RNGTT: variants seen among roughly 807,000 people sequenced by gnomAD.
RNGTT encodes the protein mRNA-capping enzyme.
In RNGTT, 33 loss-of-function variants were observed where a neutral mutation model predicts 79.3. That is an observed-to-expected ratio of 0.42 (90% confidence interval 0.32 to 0.56). The LOEUF (loss-of-function observed/expected upper bound fraction) is 0.56. Among genes scored for constraint, RNGTT ranks in the 20% least tolerant of loss-of-function variants. RNGTT has a pLI of 0.17. For synonymous variants in RNGTT, 222 were observed against 235.9 expected, an observed-to-expected ratio of 0.94 and a Z score of 0.54; for missense variants, 497 against 739.1, an observed-to-expected ratio of 0.67 and a Z score of 3.80.
At position 88,963,547 on chromosome 6, in the gene RNGTT, C is replaced by A; in HGVS notation, c.-138G>T. 1 of 766,256 alleles carries A rather than the reference C, an allele frequency of 1.3e-6. No homozygotes were observed. Among genetic ancestry groups the A allele is most frequent in the South Asian group, 2.1e-5 (1 of 48,224 alleles). The allele number at this position is 766,256 out of a possible 1,614,324, so 47.5% of individuals were successfully genotyped here. On this transcript the variant is annotated 5_prime_UTR_variant, in exon 1 of 16. Transcript: ENST00000369485. ...AATCTGAATTCCAACCTCTCCGATCCGGGTAACGTCAGGGGCGGCGCGCCA... is the reference window on the plus strand; with the variant it reads ...AATCTGAATTCCAACCTCTCCGATCAGGGTAACGTCAGGGGCGGCGCGCCA...
chr6:88,749,423 C>T (rs1777770858), intron 13 of RNGTT, among the ~76,000 whole-genome samples: 1 of 150,640 alleles, frequency 6.6e-6, no homozygotes, highest in Non-Finnish European at 1.5e-5. Flanking sequence ...CTAGGGTAAT[C>T]ACCAAGAAAA....
chr6:88,759,545 T>C (rs1778136921), intron 13 of RNGTT, among the ~76,000 whole-genome samples: 3 of 152,192 alleles, frequency 2.0e-5, no homozygotes, highest in Admixed American at 2.0e-4. Context: ...TGTATTCATA[T>C]ACATGCACAT....
At chr6:88,886,201 G>T (rs1385774712) in intron 8 of RNGTT, among the ~76,000 whole-genome samples, 1 of 152,180 alleles carries the variant, frequency 6.6e-6, no homozygotes, top group Non-Finnish European at 1.5e-5. Context: ...AGCTGCTCGG[G>T]AGGCTGAGGC....
chr6:88,948,924 AAG>A (rs1785130833), intron 1 of RNGTT, among the ~76,000 whole-genome samples: 1 of 91,184 alleles, frequency 1.1e-5, no homozygotes, highest in Non-Finnish European at 2.2e-5. Context: ...CATGCTCGTT[AAG>A]AGTCATCACC....
chr6:88,693,344 A>C (rs1369291888), intron 13 of RNGTT, among the ~76,000 whole-genome samples: 1 of 152,194 alleles, frequency 6.6e-6, no homozygotes, highest in Non-Finnish European at 1.5e-5. Flanking sequence ...GAACAACTAT[A>C]TGCCAATAAA....
intron 14 of RNGTT, among the ~76,000 whole-genome samples, chr6:88,675,102 GAA>G (rs10554864): frequency 0.33 from 34,989 of 106,492 alleles, 6,833 homozygotes; most frequent in African/African-American, 0.58. Flanking sequence ...CGTCTCAGAA[GAA>G]AAAAAAAAAA....
At chr6:88,926,652 G>A (rs1426147663) in intron 4 of RNGTT, among the ~76,000 whole-genome samples, 3 of 152,190 alleles carry the variant, frequency 2.0e-5, no homozygotes, top group African/African-American at 7.2e-5. Flanking sequence ...TTTCAAGTGT[G>A]AACATGCAAC....
At chr6:88,942,914 TA>T (rs1784895108) in intron 1 of RNGTT, among the ~76,000 whole-genome samples, 3 of 152,196 alleles carry the variant, frequency 2.0e-5, no homozygotes, top group Admixed American at 2.0e-4. Flanking sequence ...TTTTTTCACC[TA>T]AATTCCAGAA....
At chr6:88,785,459 A>T (rs1779198341) in intron 12 of RNGTT, among the ~76,000 whole-genome samples, 2 of 152,172 alleles carry the variant, frequency 1.3e-5, no homozygotes, top group African/African-American at 4.8e-5. Context: ...GCAAGCTAAG[A>T]ATATTTTGCT....
chr6:88,777,476 C>T (rs1343171075), intron 12 of RNGTT, among the ~76,000 whole-genome samples: 2 of 152,178 alleles, frequency 1.3e-5, no homozygotes, highest in Non-Finnish European at 2.9e-5. Flanking sequence ...AATTCATTAA[C>T]ATGGAATATC....
chr6:88,956,578 A>C (rs1035923436), intron 1 of RNGTT, among the ~76,000 whole-genome samples: 2 of 152,178 alleles, frequency 1.3e-5, no homozygotes, highest in Admixed American at 1.3e-4. Flanking sequence ...ACCAGGAAAC[A>C]ATATAACAAT....
chr6:88,672,007 T>A (rs975621486), intron 14 of RNGTT, among the ~76,000 whole-genome samples: 6 of 151,954 alleles, frequency 3.9e-5, no homozygotes, highest in Admixed American at 6.6e-5. Flanking sequence ...ACCATAAACA[T>A]TCTAAAAAAT....
chr6:88,950,140 T>C (rs1785192592), intron 1 of RNGTT, among the ~76,000 whole-genome samples: 1 of 152,226 alleles, frequency 6.6e-6, no homozygotes, highest in Admixed American at 6.5e-5. Context: ...CCCATCTGTT[T>C]ACAGAATGTT....
At chr6:88,634,563 G>C (rs1773024156) in intron 14 of RNGTT, among the ~76,000 whole-genome samples, 1 of 152,012 alleles carries the variant, frequency 6.6e-6, no homozygotes, top group Non-Finnish European at 1.5e-5. Context: ...CTGTGAGTCT[G>C]CCCTGAGTGT....
At chr6:88,786,832 T>C (rs148528829) in intron 12 of RNGTT, among the ~76,000 whole-genome samples, 193 of 152,340 alleles carry the variant, frequency 1.3e-3, no homozygotes, top group Admixed American at 2.8e-3. Flanking sequence ...CCTAAGCCCC[T>C]AATGTGATGG....
intron 6 of RNGTT, among the ~76,000 whole-genome samples, chr6:88,901,544 T>C (rs1049521287): frequency 3.7e-5 from 5 of 133,966 alleles, no homozygotes; most frequent in Non-Finnish European, 7.8e-5. Flanking sequence ...TCTCACTCTG[T>C]CGACCAGGCT....
chr6:88,941,020 G>T (rs753147167), intron 2 of RNGTT, 51 bp downstream of exon 2: 1 of 1,090,588 alleles, frequency 9.2e-7, no homozygotes, highest in Non-Finnish European at 1.4e-6. Flanking sequence ...TGAAGAACAA[G>T]ACTGAACAAA....
chr6:88,758,600 CA>C (rs1228368657), intron 13 of RNGTT, among the ~76,000 whole-genome samples: 1 of 152,172 alleles, frequency 6.6e-6, no homozygotes, highest in Non-Finnish European at 1.5e-5. Flanking sequence ...AATGCTTCCT[CA>C]TTATCAGATT....
At chr6:88,900,810 A>T (rs1783427517) in intron 6 of RNGTT, among the ~76,000 whole-genome samples, 1 of 150,130 alleles carries the variant, frequency 6.7e-6, no homozygotes, top group Non-Finnish European at 1.5e-5. Context: ...AAAGATAAAG[A>T]ATATAAAAAA....
Sources: gnomAD v4.1 joint callset for allele counts (sites outside exome capture counted in the v4.1 genomes callset) on GRCh38, gnomAD v4.1.1 for gene constraint, MANE v1.5 for transcripts, NCBI Gene and HGNC (gene_info 2026-07-23, HGNC 2026-07-21) for gene names.